The following ACSL3 variants were observed in gnomAD, a reference collection of about 807,000 sequenced individuals.
The protein encoded by ACSL3 is fatty acid CoA ligase Acsl3.
In ACSL3, 34 loss-of-function variants were observed where a neutral mutation model predicts 84.7. The observed-to-expected ratio is 0.40, with a 90% CI of 0.31 to 0.53. The LOEUF (loss-of-function observed/expected upper bound fraction) is 0.53. Ranked by LOEUF, ACSL3 falls within the 20% of genes least tolerant of loss-of-function variation. ACSL3 has a pLI of 0.48. For synonymous variants in ACSL3, 315 were observed against 299.4 expected, an observed-to-expected ratio of 1.05 and a Z score of -0.54; for missense variants, 680 against 873.1, an observed-to-expected ratio of 0.78 and a Z score of 2.79.
In ACSL3 at chr2:222,921,267, C is replaced by T; in HGVS notation, c.806-13C>T. Reference sequence around the variant, plus strand: ...ATGAAAGTGTATGTGTGTGTTTTTTCTCTTCAATGCAGAAAACCAACCTCA... The same window carrying T: ...ATGAAAGTGTATGTGTGTGTTTTTTTTCTTCAATGCAGAAAACCAACCTCA... On this transcript the variant is annotated splice_polypyrimidine_tract_variant and intron_variant, in intron 7 of 16. Coordinates refer to ENST00000357430, the MANE Select transcript of ACSL3 (RefSeq NM_004457.5). 2 of 1,584,384 alleles carry T rather than the reference C, an allele frequency of 1.3e-6. No individual in the cohort carries two copies. Among genetic ancestry groups the T allele is most frequent in the African/African-American group, 1.3e-5 (1 of 74,240 alleles).
rs57522671 is a variant in ACSL3 at position 222,901,964 on chromosome 2, A to AAAAAAAAAAAAAAAG, written c.-41+1184_-41+1185insAAAAAAAAAAAAAAG. ...GTCTCAAAAAAAAAAAAAAAAAAAA[A>AAAAAAAAAAAAAAAG]GAACTCAAATATTGTTGAGGTAGCA... On this transcript the variant is annotated intron_variant, in intron 3 of 16. Transcript: ENST00000357430. Among the ~76,000 whole-genome samples, 50 of 99,452 alleles carry AAAAAAAAAAAAAAAG rather than the reference A, an allele frequency of 5.0e-4. 9 individuals carry two copies. Among genetic ancestry groups the AAAAAAAAAAAAAAAG allele is most frequent in the African/African-American group, 1.3e-3 (32 of 24,628 alleles). 65.2% of individuals were successfully genotyped at this position (99,452 alleles called of 152,430 possible). A position where few individuals can be genotyped will look rare whatever the true frequency, so the allele number is the denominator to read the frequency against.
chr2:222,904,667 A>G (rs1696246898), intron 3 of ACSL3: 1 of 153,882 alleles, frequency 6.5e-6, no homozygotes. Context: ...ATTTGCAGTA[A>G]TGTAGAACTA....
intron 13 of ACSL3, among the ~76,000 whole-genome samples, chr2:222,930,099 T>A (rs1574564796): frequency 1.3e-5 from 2 of 151,870 alleles, no homozygotes; most frequent in East Asian, 1.9e-4. Context: ...CGACTAATTT[T>A]TTGTATTTTT....
intron 2 of ACSL3, among the ~76,000 whole-genome samples, chr2:222,892,461 G>C (rs890847628): frequency 2.0e-5 from 3 of 147,180 alleles, no homozygotes; most frequent in African/African-American, 7.5e-5. Flanking sequence ...AATAGTCTCT[G>C]GTTGCACTTT....
chr2:222,866,744 GCCCCC>G (rs1559273420), intron 1 of ACSL3, among the ~76,000 whole-genome samples: 1 of 22,730 alleles, frequency 4.4e-5, no homozygotes, highest in African/African-American at 1.2e-4. Context: ...AAACTGCCCT[GCCCCC>G]CCCGCCCCCC....
At chr2:222,902,088 A>G (rs1696169251) in intron 3 of ACSL3, among the ~76,000 whole-genome samples, 1 of 152,206 alleles carries the variant, frequency 6.6e-6, no homozygotes, top group African/African-American at 2.4e-5. Context: ...TATTCACTTA[A>G]GTAAACTAAG....
At chr2:222,899,796 A>T (rs556083924) in intron 2 of ACSL3, among the ~76,000 whole-genome samples, 18 of 152,330 alleles carry the variant, frequency 1.2e-4, no homozygotes, top group South Asian at 4.1e-4. Context: ...TTAAGATAAC[A>T]TTGCAAAAAT....
At chr2:222,864,380 G>C (rs960209939) in intron 1 of ACSL3, among the ~76,000 whole-genome samples, 2 of 151,844 alleles carry the variant, frequency 1.3e-5, no homozygotes, top group Non-Finnish European at 2.9e-5. Context: ...TTGCCTGTGG[G>C]GAGGCTATAG....
In ACSL3 at chr2:222,916,467, C is replaced by T. The variant is rs1696587790; in HGVS notation, c.527C>T (p.Ala176Val). The part of the protein sequence containing the change: ...CETRAEWMIA[A>V]QACFMYNFQL... ...ACCAGGGCCGAGTGGATGATAGCTG[C>T]ACAGGCGTGTTTTATGTATAATTTT... Residue 176 changes from alanine (A) to valine (V), a missense_variant, in exon 5 of 17, where the codon GCA becomes GTA. Coordinates refer to ENST00000357430, the MANE Select transcript of ACSL3 (RefSeq NM_004457.5). The T allele has an allele frequency of 1.2e-6, 2 of 1,611,640 alleles. No homozygotes were observed. The highest frequency in any genetic ancestry group is 1.7e-6 in the Non-Finnish European group (2 of 1,178,802).
In ACSL3 at chr2:222,916,299, ATTTT is replaced by A. The variant is rs60362808; in HGVS notation, c.379-14_379-11del. ...TTATTATTTTGATTACATTAAAAAA[ATTTT>A]TTTTTGTTTTATCAGGTTATTCTTG... On this transcript the variant is annotated splice_polypyrimidine_tract_variant and intron_variant, in intron 4 of 16. Coordinates refer to ENST00000357430, the MANE Select transcript of ACSL3 (RefSeq NM_004457.5). 7.0e-7 allele frequency: 1 copy of A among 1,430,274 alleles called. No homozygotes were observed. Among genetic ancestry groups the A allele is most frequent in the Non-Finnish European group, 9.3e-7 (1 of 1,077,182 alleles). 88.6% of individuals were successfully genotyped at this position (1,430,274 alleles called of 1,614,324 possible).
rs1410212017 is a variant in ACSL3, at chr2:222,872,309, A to G, written c.-207+11051A>G. On this transcript the variant is annotated intron_variant, in intron 1 of 16. Transcript: ENST00000357430. Reference sequence around the variant, plus strand: ...CCGGCTAATTTTTTGTATTTTTAGTAGAGACAGGGTTTTACCATGTTGGCC... The same window carrying G: ...CCGGCTAATTTTTTGTATTTTTAGTGGAGACAGGGTTTTACCATGTTGGCC... 3.3e-5 allele frequency among the ~76,000 whole-genome samples: 5 copies of G among 151,976 alleles called. No homozygotes were observed. In the East Asian group the frequency reaches 9.7e-4, roughly 29 times the overall value.
chr2:222,883,732 G>C (rs1695651660), intron 1 of ACSL3, among the ~76,000 whole-genome samples: 1 of 151,656 alleles, frequency 6.6e-6, no homozygotes, highest in African/African-American at 2.4e-5. Flanking sequence ...TCCTTGTAAT[G>C]GAACTTGAAT....
Position 222,923,061 on chromosome 2 carries a change from T to C in ACSL3, c.1081-17T>C, listed in dbSNP as rs555864781. On this transcript the variant is annotated splice_polypyrimidine_tract_variant and intron_variant, in intron 9 of 16. Coordinates refer to ENST00000357430, the MANE Select transcript of ACSL3 (RefSeq NM_004457.5). ...ATAAGGATCACTTTATATGGATCAC[T>C]TTTTCTTATTTTGTAGTCTTCAAAA... is the stretch of plus-strand genomic sequence containing the variant. The C allele has an allele frequency of 6.6e-5, 105 of 1,600,106 alleles. No individual in the cohort carries two copies. In the Admixed American group the frequency reaches 1.3e-3, roughly 20 times the overall value.
intron 14 of ACSL3, 98 bp downstream of exon 14, chr2:222,930,910 T>C (rs1697013762): frequency 9.1e-7 from 1 of 1,093,110 alleles, no homozygotes; most frequent in Admixed American, 2.7e-5. Context: ...ATATAAATCT[T>C]TATGTAATCT....
chr2:222,866,347 A>G (rs112316441), intron 1 of ACSL3, among the ~76,000 whole-genome samples: 2,918 of 152,216 alleles, frequency 0.019, 42 homozygotes, highest in African/African-American at 0.026. Context: ...GGGTTTCACC[A>G]TGTTAGTCAG....
At chr2:222,883,717 G>C (rs909138140) in intron 1 of ACSL3, among the ~76,000 whole-genome samples, 3 of 138,122 alleles carry the variant, frequency 2.2e-5, no homozygotes, top group African/African-American at 8.1e-5. Context: ...TTCTATTTCT[G>C]GAACTCCTTG....
intron 16 of ACSL3, 121 bp downstream of exon 16, chr2:222,934,808 G>A: frequency 1.9e-6 from 2 of 1,039,194 alleles, no homozygotes; most frequent in Non-Finnish European, 2.7e-6. Flanking sequence ...TCTACCGTTA[G>A]TATATGGAAG....
At chr2:222,933,323 A>T (rs567087959) in intron 15 of ACSL3, 43 bp downstream of exon 15, 1 of 1,410,618 alleles carries the variant, frequency 7.1e-7, no homozygotes, top group East Asian at 2.3e-5. Flanking sequence ...AAAATATTTG[A>T]TGTCCATAGA....
In ACSL3 at chr2:222,908,958, A is replaced by G. The variant is rs768445601; in HGVS notation, c.186A>G (p.Ser62=). 13 of 1,613,550 alleles carry G rather than the reference A, an allele frequency of 8.1e-6. No individual in the cohort carries two copies. The highest frequency in any genetic ancestry group is 1.6e-4 in the Middle Eastern group (1 of 6,084). The change falls in exon 4 of 17, where the codon TCA becomes TCG. Residue 62 remains serine (S), a synonymous_variant. Coordinates refer to ENST00000357430, the MANE Select transcript of ACSL3 (RefSeq NM_004457.5). ...GAATTAAAGCAAAGCCTGTAAATTC[A>G]AAACCTGATTCTGCATACAGATCTG... ...SNRIKAKPVN[S]KPDSAYRSVN...
Sources: gnomAD v4.1 joint callset for allele counts (sites outside exome capture counted in the v4.1 genomes callset) on GRCh38, gnomAD v4.1.1 for gene constraint, MANE v1.5 for transcripts, NCBI Gene and HGNC (gene_info 2026-07-23, HGNC 2026-07-21) for gene names.